The following CCDC38 variants were observed in gnomAD, a reference collection of about 807,000 sequenced individuals.
The protein encoded by CCDC38 is coiled-coil domain containing 38.
Under a neutral mutation model 72.8 loss-of-function variants are expected in CCDC38, and 69 were observed. That is an observed-to-expected ratio of 0.95 (90% CI 0.78 to 1.16). CCDC38 has a LOEUF of 1.16. Among genes scored for constraint, CCDC38 ranks in the 50% most tolerant of loss-of-function variants. The pLI, the probability that CCDC38 is intolerant of heterozygous loss-of-function variation, is 0.00. For missense variants in CCDC38, 626 were observed against 638.9 expected, an observed-to-expected ratio of 0.98 and a Z score of 0.22; for synonymous variants, 201 against 213.2, an observed-to-expected ratio of 0.94 and a Z score of 0.50.
intron 2 of CCDC38, chr12:95,935,011 T>A (rs1484652727): frequency 6.6e-6 from 1 of 152,058 alleles, no homozygotes; most frequent in Admixed American, 6.6e-5. Flanking sequence ...CTGTCTAGTA[T>A]CCCATTATCC....
chr12:95,884,675 C>T (rs2079737710), intron 10 of CCDC38, among the ~76,000 whole-genome samples: 1 of 152,222 alleles, frequency 6.6e-6, no homozygotes, highest in South Asian at 2.1e-4. Context: ...ATACCTTTCT[C>T]TTAGCTGCTC....
intron 1 of CCDC38, 51 bp from the exon 2 acceptor site, chr12:95,936,574 T>A: frequency 6.8e-7 from 1 of 1,472,110 alleles, no homozygotes; most frequent in Middle Eastern, 2.4e-4. Flanking sequence ...GAACATCATA[T>A]AAAAGGGCTA....
At chr12:95,903,640 G>A (rs989969813) in intron 5 of CCDC38, 1 of 523,392 alleles carries the variant, frequency 1.9e-6, no homozygotes, top group African/African-American at 1.9e-5. Flanking sequence ...TGCATCAATT[G>A]GGATAATCAT....
chr12:95,873,845 G>T (rs77328334), intron 13 of CCDC38, among the ~76,000 whole-genome samples: 74 of 152,288 alleles, frequency 4.9e-4, no homozygotes, highest in Non-Finnish European at 9.3e-4. Flanking sequence ...ACTTCCAACA[G>T]CTTTTCTCTT....
intron 2 of CCDC38, among the ~76,000 whole-genome samples, chr12:95,927,461 C>A (rs937503160): frequency 2.7e-5 from 4 of 150,546 alleles, no homozygotes; most frequent in African/African-American, 9.8e-5. Context: ...TTCCTGAATA[C>A]AGCACACTGA....
intron 5 of CCDC38, among the ~76,000 whole-genome samples, chr12:95,904,978 G>C (rs929421398): frequency 1.3e-5 from 2 of 152,122 alleles, no homozygotes; most frequent in Non-Finnish European, 2.9e-5. Context: ...ATTGGCTCCA[G>C]GATCCCCAAG....
chr12:95,904,567 T>A (rs139812653), intron 5 of CCDC38, among the ~76,000 whole-genome samples: 1 of 152,368 alleles, frequency 6.6e-6, no homozygotes, highest in African/African-American at 2.4e-5. Context: ...TCCCTCCCCA[T>A]GGAACTAGGA....
chr12:95,920,193 GT>G (rs1198405010), intron 2 of CCDC38, among the ~76,000 whole-genome samples: 1 of 152,092 alleles, frequency 6.6e-6, no homozygotes, highest in African/African-American at 2.4e-5. Flanking sequence ...TAATTGAATC[GT>G]GTTGAGGGGT....
intron 2 of CCDC38, among the ~76,000 whole-genome samples, chr12:95,924,746 C>G (rs1317268419): frequency 6.6e-6 from 1 of 150,380 alleles, no homozygotes; most frequent in South Asian, 2.1e-4. Flanking sequence ...CCAGTTTCAG[C>G]TTTCTACATA....
rs1565950754 is a variant in CCDC38 at position 95,895,118 on chromosome 12, TGAG to T, written c.640_642del (p.Leu214del). ...AAAAAACCATATTTCATATACTCCC[TGAG>T]GAGGAATTCTGTTTTTGCTATTTCA... On this transcript the variant is annotated inframe_deletion, in exon 8 of 16. Transcript: ENST00000344280. 2.5e-6 allele frequency: 4 copies of T among 1,609,238 alleles called. No individual in the cohort carries two copies. The highest frequency in any genetic ancestry group is 3.4e-5 in the Admixed American group (2 of 59,014).
chr12:95,879,521 T>C lies in CCDC38; in HGVS notation c.1142+123A>G. On this transcript the variant is annotated intron_variant, in intron 12 of 15. Transcript: ENST00000344280. This position sits in a 1 kb window ranked among gnomAD's most constrained non-coding sequence, Gnocchi z 5.5. ...ACGTTTTGCACTCCACAATGTAAAC[T>C]ATTAAAAACCCCAGCCTACATTCAC... 3.3e-6 allele frequency: 2 copies of C among 603,204 alleles called. No individual in the cohort carries two copies. The highest frequency in any genetic ancestry group is 5.4e-5 in the East Asian group (2 of 36,738). The allele number at this position is 603,204 out of a possible 1,614,324, so 37.4% of individuals were successfully genotyped here. A position where few individuals can be genotyped will look rare whatever the true frequency, so the allele number is the denominator to read the frequency against.
At chr12:95,918,136 A>G (rs1020995851) in intron 3 of CCDC38, among the ~76,000 whole-genome samples, 5 of 152,214 alleles carry the variant, frequency 3.3e-5, no homozygotes, top group Admixed American at 6.5e-5. Context: ...ACCTCTGGAA[A>G]GAAAGAAAGT....
chr12:95,894,927 G>A lies in CCDC38; in HGVS notation c.772+62C>T, dbSNP rs541827254. 874 of 1,295,712 alleles carry A rather than the reference G, an allele frequency of 6.7e-4. 1 individual carries two copies. The highest frequency in any genetic ancestry group is 1.4e-3 in the Middle Eastern group (6 of 4,244). The allele number at this position is 1,295,712 out of a possible 1,614,324, so 80.3% of individuals were successfully genotyped here. A position where few individuals can be genotyped will look rare whatever the true frequency, so the allele number is the denominator to read the frequency against. Reference sequence around the variant, plus strand: ...AATATCTATTTAGATAAAAAACATTGAAGCAGATGATTTTAGAGTTAGGGA... The same window carrying A: ...AATATCTATTTAGATAAAAAACATTAAAGCAGATGATTTTAGAGTTAGGGA... On this transcript the variant is annotated intron_variant, in intron 8 of 15. Transcript: ENST00000344280.
intron 5 of CCDC38, among the ~76,000 whole-genome samples, chr12:95,900,809 C>A (rs1193597682): frequency 6.6e-6 from 1 of 152,080 alleles, no homozygotes; most frequent in Non-Finnish European, 1.5e-5. Context: ...AAATAAATAT[C>A]TTTTAAAAAT....
intron 9 of CCDC38, chr12:95,889,077 C>T (rs1261932592): frequency 2.3e-5 from 3 of 131,136 alleles, no homozygotes; most frequent in East Asian, 2.2e-4. Flanking sequence ...TCACTCTCGT[C>T]GCCCAGGCTG....
chr12:95,870,928 C>G (rs965599939), intron 14 of CCDC38, among the ~76,000 whole-genome samples: 1 of 152,196 alleles, frequency 6.6e-6, no homozygotes, highest in Admixed American at 6.5e-5. Context: ...CTCACAACAA[C>G]CTGTATTTAT....
At chr12:95,873,413 A>G (rs1376131988) in intron 13 of CCDC38, among the ~76,000 whole-genome samples, 1 of 152,162 alleles carries the variant, frequency 6.6e-6, no homozygotes, top group Non-Finnish European at 1.5e-5. Flanking sequence ...TAGAAGTATC[A>G]TTTTCACTGT....
rs2079679300 is a variant in CCDC38, at chr12:95,879,813, A to C, written c.991-18T>G. 6.4e-7 allele frequency: 1 copy of C among 1,568,550 alleles called. No homozygotes were observed. Among genetic ancestry groups the C allele is most frequent in the African/African-American group, 1.4e-5 (1 of 72,818 alleles). On this transcript the variant is annotated intron_variant, in intron 11 of 15. Coordinates refer to ENST00000344280, the MANE Select transcript of CCDC38 (RefSeq NM_182496.3). The surrounding 1 kb of genome is among the most constrained non-coding windows in gnomAD (Gnocchi z 5.5). ...GCTGGCTCCTAATTAATCAATAATG[A>C]AGAATATAATTTACTTAAAAATATG...
chr12:95,876,384 C>T (rs2121419879), intron 13 of CCDC38, among the ~76,000 whole-genome samples: 2 of 152,232 alleles, frequency 1.3e-5, no homozygotes, highest in Middle Eastern at 3.4e-3. Flanking sequence ...CATGAATGTA[C>T]TTAACACTAC....
Sources: allele counts gnomAD v4.1 joint callset (sites outside exome capture counted in the v4.1 genomes callset), GRCh38; gene constraint gnomAD v4.1.1; non-coding constraint Gnocchi (gnomAD v3.1); transcripts MANE v1.5; gene names NCBI Gene and HGNC (gene_info 2026-07-23, HGNC 2026-07-21).